TSPAN8: variants seen among roughly 807,000 people sequenced by gnomAD.
The protein encoded by TSPAN8 is tetraspanin 8.
Under a neutral mutation model 32.8 loss-of-function variants are expected in TSPAN8, and 21 were observed. The ratio of observed to expected loss-of-function variants is 0.64; its 90% CI spans 0.45 to 0.92. The LOEUF (loss-of-function observed/expected upper bound fraction) is 0.92, where lower values mean the gene tolerates loss of function less well. Among genes scored for constraint, TSPAN8 ranks in the 40% least tolerant of loss-of-function variants. TSPAN8 has a pLI of 0.00. For missense variants in TSPAN8, 269 were observed against 281.9 expected, an observed-to-expected ratio of 0.95 and a Z score of 0.33; for synonymous variants, 95 against 94.6, an observed-to-expected ratio of 1.00 and a Z score of -0.03.
intron 4 of TSPAN8, chr12:71,139,091 T>G (rs1051729708): frequency 1.1e-4 from 50 of 455,976 alleles, no homozygotes; most frequent in African/African-American, 9.4e-4. Context: ...ATTATCTCAT[T>G]CATTTAAACT....
At chr12:71,147,801 T>A (rs1462459698) in intron 2 of TSPAN8, among the ~76,000 whole-genome samples, 1 of 152,194 alleles carries the variant, frequency 6.6e-6, no homozygotes, top group Non-Finnish European at 1.5e-5. Context: ...CTCAAGAGGG[T>A]ACAAAGTTTA....
rs1287011627 is a variant in TSPAN8, at chr12:71,156,269, C to CA, written c.60+1349dup. Among the ~76,000 whole-genome samples, 12 of 32,522 alleles carry CA rather than the reference C, an allele frequency of 3.7e-4. 1 individual carries two copies. Among genetic ancestry groups the CA allele is most frequent in the African/African-American group, 1.4e-3 (11 of 7,982 alleles). 21.3% of individuals were successfully genotyped at this position (32,522 alleles called of 152,430 possible). ...GTTCTCCAAAAAAAAAAAAAAAAAA[C>CA]AAACAAAAAAAAAACTAGAAACAAA... On this transcript the variant is annotated intron_variant, in intron 2 of 8. Coordinates refer to ENST00000247829, the MANE Select transcript of TSPAN8 (RefSeq NM_004616.3).
At chr12:71,152,901 A>C (rs1436410728) in intron 2 of TSPAN8, among the ~76,000 whole-genome samples, 1 of 152,198 alleles carries the variant, frequency 6.6e-6, no homozygotes, top group East Asian at 1.9e-4. Flanking sequence ...TACAATGATG[A>C]ATATCGAAAT....
chr12:71,156,316 C>A (rs1688757787), intron 2 of TSPAN8, among the ~76,000 whole-genome samples: 1 of 138,466 alleles, frequency 7.2e-6, no homozygotes, highest in South Asian at 2.3e-4. Context: ...GAATACAGGT[C>A]TTTCTTTTTT....
chr12:71,131,030 A>G (rs3851612), intron 7 of TSPAN8, among the ~76,000 whole-genome samples: 61,560 of 151,994 alleles, frequency 0.41, 13,293 homozygotes, highest in East Asian at 0.62. Context: ...GTTTTTTTAG[A>G]ATAATTCCAG....
Position 71,156,262 on chromosome 12 carries a change from A to C in TSPAN8, c.60+1357T>G, listed in dbSNP as rs1357129060. 2.5e-4 allele frequency among the ~76,000 whole-genome samples: 17 copies of C among 68,868 alleles called. No homozygotes were observed. In the South Asian group the frequency reaches 6.6e-3, roughly 27 times the overall value. 45.2% of individuals were successfully genotyped at this position (68,868 alleles called of 152,430 possible). A position where few individuals can be genotyped will look rare whatever the true frequency, so the allele number is the denominator to read the frequency against. ...ATTCAAAGTTCTCCAAAAAAAAAAA[A>C]AAAAAACAAACAAAAAAAAAACTAG... On this transcript the variant is annotated intron_variant, in intron 2 of 8. Transcript: ENST00000247829.
chr12:71,152,343 C>T (rs1204600032), intron 2 of TSPAN8, among the ~76,000 whole-genome samples: 5 of 152,124 alleles, frequency 3.3e-5, no homozygotes, highest in Admixed American at 6.5e-5. Context: ...ATTTCCTCTT[C>T]GTTTTAAAAC....
intron 3 of TSPAN8, among the ~76,000 whole-genome samples, chr12:71,140,388 T>A (rs1473341688): frequency 6.6e-6 from 1 of 152,148 alleles, no homozygotes; most frequent in Non-Finnish European, 1.5e-5. Flanking sequence ...AAGCAGTGCT[T>A]GACTTTGAGC....
Position 71,157,618 on chromosome 12 carries a change from C to G in TSPAN8, c.60+1G>C, listed in dbSNP as rs879219148. The G allele has an allele frequency of 6.2e-7, 1 of 1,607,464 alleles. No individual in the cohort carries two copies. Among genetic ancestry groups the G allele is most frequent in the Non-Finnish European group, 8.5e-7 (1 of 1,174,206 alleles). ...TTGATAATTAAAAGGAAAACACTTA[C>G]CCAGAACAAGAAGTTGAAGGTAAAC... is the stretch of plus-strand genomic sequence containing the variant. On this transcript the variant is annotated splice_donor_variant, in intron 2 of 8. Coordinates refer to ENST00000247829, the MANE Select transcript of TSPAN8 (RefSeq NM_004616.3). LOFTEE classifies it high-confidence loss of function.
chr12:71,136,346 A>T (rs1871696971), intron 6 of TSPAN8, among the ~76,000 whole-genome samples: 1 of 152,230 alleles, frequency 6.6e-6, no homozygotes. Flanking sequence ...CAGGATGGGC[A>T]AAAATTAGTA....
chr12:71,151,133 GGCTCACTACAA>G (rs1347606692), intron 2 of TSPAN8, among the ~76,000 whole-genome samples: 1 of 149,576 alleles, frequency 6.7e-6, no homozygotes, highest in Non-Finnish European at 1.5e-5. Flanking sequence ...GCGCGATCTT[GGCTCACTACAA>G]GCTCCGCCTC....
chr12:71,148,098 T>C (rs1309939478), intron 2 of TSPAN8, among the ~76,000 whole-genome samples: 1 of 152,186 alleles, frequency 6.6e-6, no homozygotes, highest in Non-Finnish European at 1.5e-5. Flanking sequence ...CAATCTACAT[T>C]TGAGATAATA....
In TSPAN8 at chr12:71,157,725, T is replaced by C; in HGVS notation, c.-47A>G. On this transcript the variant is annotated 5_prime_UTR_variant, in exon 2 of 9. Transcript: ENST00000247829. The stretch of plus-strand genomic sequence containing the variant: ...CAGATGCCGTGAATTTAACTATTCG[T>C]TACAGGCTTGTCCTGCAATATGCTC... The C allele has an allele frequency of 6.7e-7, 1 of 1,486,718 alleles. No homozygotes were observed. The highest frequency in any genetic ancestry group is 9.4e-7 in the Non-Finnish European group (1 of 1,064,304). 92.1% of individuals were successfully genotyped at this position (1,486,718 alleles called of 1,614,324 possible).
chr12:71,149,589 C>A (rs1372888166), intron 2 of TSPAN8, among the ~76,000 whole-genome samples: 2 of 152,204 alleles, frequency 1.3e-5, no homozygotes, highest in Admixed American at 6.5e-5. Flanking sequence ...AACAGAGGGA[C>A]TGGCTGGAGC....
intron 3 of TSPAN8, among the ~76,000 whole-genome samples, chr12:71,142,588 C>T (rs1871935039): frequency 6.6e-6 from 1 of 152,088 alleles, no homozygotes; most frequent in African/African-American, 2.4e-5. Flanking sequence ...TTCAAATGCA[C>T]TTCTTGGGCT....
At chr12:71,155,591 C>T (rs1345929280) in intron 2 of TSPAN8, among the ~76,000 whole-genome samples, 1 of 152,058 alleles carries the variant, frequency 6.6e-6, no homozygotes, top group Non-Finnish European at 1.5e-5. Context: ...CTGATTCTAA[C>T]AGGAACATTT....
chr12:71,137,826 G>A, intron 6 of TSPAN8, 127 bp downstream of exon 6: 1 of 779,080 alleles, frequency 1.3e-6, no homozygotes, highest in South Asian at 2.0e-5. Context: ...ATTGCATGGT[G>A]ACAGAATAAT....
intron 2 of TSPAN8, among the ~76,000 whole-genome samples, chr12:71,149,962 G>C (rs1463395495): frequency 6.6e-6 from 1 of 152,138 alleles, no homozygotes; most frequent in East Asian, 1.9e-4. Context: ...GGAAGATATT[G>C]CTAAATTCTT....
intron 3 of TSPAN8, among the ~76,000 whole-genome samples, chr12:71,143,476 G>A (rs113101166): frequency 0.012 from 1,764 of 152,200 alleles, 29 homozygotes; most frequent in African/African-American, 0.041. Flanking sequence ...ATCTGGGTAA[G>A]AGCTTTGGCA....
Sources: allele counts gnomAD v4.1 joint callset (sites outside exome capture counted in the v4.1 genomes callset), GRCh38; gene constraint gnomAD v4.1.1; transcripts MANE v1.5; gene names NCBI Gene and HGNC (gene_info 2026-07-23, HGNC 2026-07-21).